CDK19: variants seen among roughly 807,000 people sequenced by gnomAD.
The protein encoded by CDK19 is cyclin dependent kinase 19.
A neutral mutation model predicts 68.3 loss-of-function variants in CDK19; 20 were observed. The ratio of observed to expected loss-of-function variants is 0.29; its 90% CI spans 0.21 to 0.43. The LOEUF is 0.43. CDK19 is among the 20% of genes least tolerant of loss of function. The pLI is 1.00. For synonymous variants in CDK19, 221 were observed against 222.8 expected, an observed-to-expected ratio of 0.99 and a Z score of 0.07; for missense variants, 339 against 623.5, an observed-to-expected ratio of 0.54 and a Z score of 4.86.
At chr6:110,616,725 A>T (rs1778337128) in intron 12 of CDK19, among the ~76,000 whole-genome samples, 1 of 152,072 alleles carries the variant, frequency 6.6e-6, no homozygotes, top group African/African-American at 2.4e-5. Flanking sequence ...TGCACAACTG[A>T]ATAGTCACAT....
chr6:110,635,705 A>G (rs1779731157), intron 5 of CDK19, among the ~76,000 whole-genome samples: 1 of 151,888 alleles, frequency 6.6e-6, no homozygotes, highest in Admixed American at 6.6e-5. Context: ...ACGCCCAGCT[A>G]ATTTTTGTAT....
At chr6:110,664,734 C>G (rs1781818000) in intron 4 of CDK19, among the ~76,000 whole-genome samples, 1 of 151,992 alleles carries the variant, frequency 6.6e-6, no homozygotes, top group African/African-American at 2.4e-5. Context: ...GATCTCTAAA[C>G]TGCTATAATA....
In CDK19 at chr6:110,622,116, T is replaced by C. The variant is rs1261907348; in HGVS notation, c.1082A>G (p.Glu361Gly). 6.2e-7 allele frequency: 1 copy of C among 1,612,784 alleles called. No individual in the cohort carries two copies. The highest frequency in any genetic ancestry group is 8.5e-7 in the Non-Finnish European group (1 of 1,179,214). The change falls in exon 11 of 13, where the codon GAA (glutamate) becomes GGA (glycine). Residue 361 changes from glutamate to glycine, a missense_variant. Glu to Gly is a moderately conservative substitution (Grantham distance 98). Around this residue, in one of 4 missense-constraint regions of CDK19, gnomAD observed 155 missense variants for 222.7 expected, o/e 0.70. Transcript: ENST00000368911. The stretch of plus-strand genomic sequence containing the variant: ...GTCACCTTTTTCTTCAGGATCATCT[T>C]CATTAAGGAATTCTCGTTTGGGGTA... ...IPYPKREFLNEDDPEEKGDKN... is the reference protein window; with the variant it reads ...IPYPKREFLNGDDPEEKGDKN...
At chr6:110,723,482 G>A (rs1053430534) in intron 2 of CDK19, among the ~76,000 whole-genome samples, 21 of 152,090 alleles carry the variant, frequency 1.4e-4, no homozygotes, top group Non-Finnish European at 1.5e-5. Flanking sequence ...TTAAACAGCA[G>A]TATTAACAAT....
chr6:110,799,582 T>G (rs1782204103), intron 1 of CDK19, among the ~76,000 whole-genome samples: 1 of 152,064 alleles, frequency 6.6e-6, no homozygotes, highest in African/African-American at 2.4e-5. Context: ...CATTATTTTT[T>G]ATTGTTTTGG....
intron 2 of CDK19, among the ~76,000 whole-genome samples, chr6:110,696,289 A>C (rs917361847): frequency 2.0e-5 from 3 of 152,240 alleles, no homozygotes; most frequent in African/African-American, 7.2e-5. Context: ...ATTTGAAAAA[A>C]TCCAGTATCC....
chr6:110,639,682 C>T (rs747367560), intron 4 of CDK19, among the ~76,000 whole-genome samples: 1 of 152,130 alleles, frequency 6.6e-6, no homozygotes, highest in Non-Finnish European at 1.5e-5. Context: ...TTTCAATTTG[C>T]TGATTGTTAA....
intron 1 of CDK19, among the ~76,000 whole-genome samples, chr6:110,770,384 A>G (rs1001848541): frequency 6.6e-6 from 1 of 152,212 alleles, no homozygotes; most frequent in Non-Finnish European, 1.5e-5. Context: ...ACATGGTGGC[A>G]GCAAGAGAAA....
chr6:110,725,733 C>G (rs781175574), intron 2 of CDK19, among the ~76,000 whole-genome samples: 11 of 152,104 alleles, frequency 7.2e-5, no homozygotes, highest in Non-Finnish European at 1.5e-4. Flanking sequence ...AATTATTTCA[C>G]TAAAATTTGG....
chr6:110,621,728 G>A lies in CDK19; in HGVS notation c.1111-358C>T, dbSNP rs1047093291. Among the ~76,000 whole-genome samples the A allele has an allele frequency of 2.0e-5, 3 of 152,200 alleles. No individual in the cohort carries two copies. The highest frequency in any genetic ancestry group is 4.8e-5 in the African/African-American group (2 of 41,442). Reference sequence around the variant, plus strand: ...AATCGTGATTCTGGAAAGGCAGAGCGGTCTGGAGAGTGAGCCAATATATCC... The same window carrying A: ...AATCGTGATTCTGGAAAGGCAGAGCAGTCTGGAGAGTGAGCCAATATATCC... On this transcript the variant is annotated intron_variant, in intron 11 of 12. Transcript: ENST00000368911. The surrounding 1 kb of genome is among the most constrained non-coding windows in gnomAD (Gnocchi z 5.4).
chr6:110,729,276 A>G (rs1488104809), intron 2 of CDK19, among the ~76,000 whole-genome samples: 2 of 152,172 alleles, frequency 1.3e-5, no homozygotes, highest in African/African-American at 4.8e-5. Context: ...CTAAATAAAT[A>G]TATGTTGATT....
At chr6:110,732,919 T>G (rs543061496) in intron 2 of CDK19, among the ~76,000 whole-genome samples, 1 of 151,930 alleles carries the variant, frequency 6.6e-6, no homozygotes, top group Admixed American at 6.6e-5. Context: ...ACACAAAAAT[T>G]AGCCAGGTGT....
intron 2 of CDK19, among the ~76,000 whole-genome samples, chr6:110,731,895 C>T (rs563130440): frequency 2.4e-4 from 37 of 152,232 alleles, no homozygotes; most frequent in African/African-American, 8.9e-4. Context: ...TAATGAATAG[C>T]TGGAACAGAA....
At chr6:110,793,032 T>G (rs1781705387) in intron 1 of CDK19, among the ~76,000 whole-genome samples, 1 of 152,182 alleles carries the variant, frequency 6.6e-6, no homozygotes. Flanking sequence ...TGCTAGACAG[T>G]ATTTATTAGC....
intron 2 of CDK19, among the ~76,000 whole-genome samples, chr6:110,726,788 G>A (rs147120803): frequency 1.3e-5 from 2 of 152,242 alleles, no homozygotes; most frequent in African/African-American, 4.8e-5. Flanking sequence ...ACTGATTGCA[G>A]TCATTTTGCT....
chr6:110,709,289 C>G (rs1397122246), intron 2 of CDK19, among the ~76,000 whole-genome samples: 12 of 152,100 alleles, frequency 7.9e-5, no homozygotes, highest in Admixed American at 7.9e-4. Context: ...CTCATCACTC[C>G]TGTTCAACAG....
intron 1 of CDK19, chr6:110,774,024 C>T (rs1045269330): frequency 6.6e-6 from 1 of 152,140 alleles, no homozygotes; most frequent in Admixed American, 6.5e-5. Flanking sequence ...AAATGCCTAT[C>T]ACAAGTCTAC....
chr6:110,624,953 C>G (rs1778992757), intron 8 of CDK19, among the ~76,000 whole-genome samples: 1 of 152,102 alleles, frequency 6.6e-6, no homozygotes, highest in Non-Finnish European at 1.5e-5. Flanking sequence ...TATGCCTATC[C>G]TATAGATTTG....
intron 2 of CDK19, among the ~76,000 whole-genome samples, chr6:110,721,390 T>C (rs1775879121): frequency 2.0e-5 from 3 of 152,140 alleles, no homozygotes; most frequent in Admixed American, 2.0e-4. Context: ...CATCCAGAGT[T>C]TGGAGGACTT....
Sources: allele counts gnomAD v4.1 joint callset (sites outside exome capture counted in the v4.1 genomes callset), GRCh38; gene constraint gnomAD v4.1.1; regional missense constraint gnomAD v4.1.1; non-coding constraint Gnocchi (gnomAD v3.1); transcripts MANE v1.5; gene names NCBI Gene and HGNC (gene_info 2026-07-23, HGNC 2026-07-21).